PDE4D: variants seen among roughly 807,000 people sequenced by gnomAD.
The protein encoded by PDE4D is 3',5'-cyclic-AMP phosphodiesterase 4D.
PDE4D carries 24 observed loss-of-function variants against 87.4 expected under a neutral mutation model. That is an observed-to-expected ratio of 0.27 (90% CI 0.20 to 0.39). The LOEUF is 0.39. PDE4D is among the 10% of genes least tolerant of loss of function. PDE4D has a pLI of 1.00. For missense variants in PDE4D, 714 were observed against 1,041.0 expected, an observed-to-expected ratio of 0.69 and a Z score of 4.32; for synonymous variants, 384 against 383.2, an observed-to-expected ratio of 1.00 and a Z score of -0.02.
intron 1 of PDE4D, among the ~76,000 whole-genome samples, chr5:59,719,268 A>T (rs575161305): frequency 5.3e-4 from 80 of 152,282 alleles, no homozygotes; most frequent in African/African-American, 1.9e-3. Flanking sequence ...TACTATCAGC[A>T]TGTCTTATTT....
At chr5:59,236,946 T>A (rs1437420691) in intron 1 of PDE4D, among the ~76,000 whole-genome samples, 1 of 152,180 alleles carries the variant, frequency 6.6e-6, no homozygotes, top group African/African-American at 2.4e-5. Context: ...TAAAAGTGGA[T>A]TCTTTATCAC....
intron 5 of PDE4D, among the ~76,000 whole-genome samples, chr5:59,119,903 G>T (rs545348522): frequency 6.6e-6 from 1 of 152,292 alleles, no homozygotes; most frequent in East Asian, 1.9e-4. Flanking sequence ...AGTGTGCAGT[G>T]GTGGGATCAT....
intron 1 of PDE4D, among the ~76,000 whole-genome samples, chr5:60,263,074 T>C (rs1489678312): frequency 1.3e-5 from 2 of 152,190 alleles, no homozygotes; most frequent in Non-Finnish European, 1.5e-5. Context: ...TTAGTGCTGG[T>C]TGCTGAAGTG....
chr5:60,100,151 C>G (rs2149329216), intron 2 of PDE4D, among the ~76,000 whole-genome samples: 1 of 151,604 alleles, frequency 6.6e-6, no homozygotes, highest in East Asian at 1.9e-4. Flanking sequence ...AAGCTAGGAG[C>G]AGGACAGTGA....
intron 1 of PDE4D, among the ~76,000 whole-genome samples, chr5:60,425,047 T>C (rs888625876): frequency 6.6e-6 from 1 of 152,176 alleles, no homozygotes; most frequent in East Asian, 1.9e-4. Context: ...CACAAACAAA[T>C]GGAAGAACGT....
chr5:60,456,194 T>C (rs144890359), intron 1 of PDE4D, among the ~76,000 whole-genome samples: 139 of 152,218 alleles, frequency 9.1e-4, no homozygotes, highest in South Asian at 3.7e-3. Flanking sequence ...TAGGTAGGAA[T>C]TGTGGGGTAC....
intron 2 of PDE4D, among the ~76,000 whole-genome samples, chr5:60,130,845 ATT>A (rs1779503665): frequency 6.6e-6 from 1 of 152,218 alleles, no homozygotes; most frequent in African/African-American, 2.4e-5. Flanking sequence ...GTGTTTTAAT[ATT>A]GTTAAGTTTG....
At chr5:59,875,348 C>T (rs1394993575) in intron 1 of PDE4D, among the ~76,000 whole-genome samples, 1 of 150,684 alleles carries the variant, frequency 6.6e-6, no homozygotes, top group African/African-American at 2.4e-5. Context: ...GTAGTCCCAG[C>T]TACTCGGGAG....
At chr5:59,282,068 T>C (rs182762114) in intron 1 of PDE4D, among the ~76,000 whole-genome samples, 3 of 152,090 alleles carry the variant, frequency 2.0e-5, no homozygotes, top group African/African-American at 7.2e-5. Flanking sequence ...CTTCTAACTA[T>C]TTTTTTTCTG....
At chr5:60,446,939 G>A (rs893049109) in intron 1 of PDE4D, among the ~76,000 whole-genome samples, 8 of 152,160 alleles carry the variant, frequency 5.3e-5, no homozygotes, top group Non-Finnish European at 1.0e-4. Context: ...TGTGGGGGGC[G>A]CTGGAGGCCT....
intron 1 of PDE4D, among the ~76,000 whole-genome samples, chr5:59,763,374 G>C (rs907610661): frequency 6.6e-6 from 1 of 151,666 alleles, no homozygotes; most frequent in Non-Finnish European, 1.5e-5. Context: ...ATATATAGAT[G>C]TGTATTATAA....
At chr5:59,353,400 T>C (rs1780845360) in intron 1 of PDE4D, among the ~76,000 whole-genome samples, 1 of 151,684 alleles carries the variant, frequency 6.6e-6, no homozygotes, top group African/African-American at 2.4e-5. Flanking sequence ...ACAACCAATA[T>C]AAACTTCTCC....
At chr5:59,423,512 T>C (rs1228227776) in intron 1 of PDE4D, among the ~76,000 whole-genome samples, 1 of 152,022 alleles carries the variant, frequency 6.6e-6, no homozygotes, top group Non-Finnish European at 1.5e-5. Context: ...GGAGGAAAGA[T>C]AGAAAATATA....
chr5:60,304,880 T>G lies in PDE4D; in HGVS notation c.-89-119193A>C, dbSNP rs148951106. ...GGCAACTAAACCCAACAATATTCAT[T>G]AAACTGTAAACTGGATATTAAGTTT... is the stretch of plus-strand genomic sequence containing the variant. On this transcript the variant is annotated intron_variant, in intron 1 of 16. Coordinates refer to the PDE4D transcript ENST00000502484. Among the ~76,000 whole-genome samples, 1,200 of 152,054 alleles carry G rather than the reference T, an allele frequency of 7.9e-3. 12 individuals carry two copies. The highest frequency in any genetic ancestry group is 0.027 in the African/African-American group (1,123 of 41,484).
intron 1 of PDE4D, among the ~76,000 whole-genome samples, chr5:60,416,253 A>G (rs1324677187): frequency 1.3e-5 from 2 of 152,188 alleles, no homozygotes; most frequent in Non-Finnish European, 2.9e-5. Context: ...AAATGGACCA[A>G]TCAGCAGGAT....
intron 2 of PDE4D, among the ~76,000 whole-genome samples, chr5:60,123,292 G>A (rs986870377): frequency 6.6e-6 from 1 of 152,112 alleles, no homozygotes; most frequent in South Asian, 2.1e-4. Context: ...CCAATTTACT[G>A]TATTAGTCCA....
intron 5 of PDE4D, among the ~76,000 whole-genome samples, chr5:59,096,186 G>A (rs766281888): frequency 1.3e-5 from 2 of 152,136 alleles, no homozygotes; most frequent in African/African-American, 4.8e-5. Context: ...GAAGGGCAGA[G>A]CAATGGTTTT....
intron 1 of PDE4D, among the ~76,000 whole-genome samples, chr5:59,728,267 A>T (rs1279130866): frequency 6.6e-6 from 1 of 152,148 alleles, no homozygotes; most frequent in Non-Finnish European, 1.5e-5. Flanking sequence ...ATAAAAGGGA[A>T]CATAGTATAA....
At chr5:59,185,421 C>T (rs1320662249) in intron 3 of PDE4D, among the ~76,000 whole-genome samples, 159 bp from the exon 4 acceptor site, 1 of 152,122 alleles carries the variant, frequency 6.6e-6, no homozygotes, top group Non-Finnish European at 1.5e-5. Flanking sequence ...GGTATCCACA[C>T]GAAATCCAGA....
Sources: allele counts gnomAD v4.1 joint callset (sites outside exome capture counted in the v4.1 genomes callset), GRCh38; gene constraint gnomAD v4.1.1; transcripts MANE v1.5; gene names NCBI Gene and HGNC (gene_info 2026-07-23, HGNC 2026-07-21).